The following PARP1 variants were observed in gnomAD, a reference collection of about 807,000 sequenced individuals.
PARP1 encodes poly(ADP-ribose) polymerase 1.
Under a neutral mutation model 118.7 loss-of-function variants are expected in PARP1, and 44 were observed. The ratio of observed to expected loss-of-function variants is 0.37; its 90% CI spans 0.29 to 0.48. PARP1 has a LOEUF of 0.48. PARP1 is among the 20% of genes least tolerant of loss of function. The probability of loss-of-function intolerance (pLI) is 0.99; values close to 1 mark genes in which losing one functional copy is unlikely to be tolerated. For missense variants in PARP1, 1,100 were observed against 1,272.4 expected, an observed-to-expected ratio of 0.86 and a Z score of 2.06; for synonymous variants, 492 against 483.2, an observed-to-expected ratio of 1.02 and a Z score of -0.24.
rs1349043176 is a variant in PARP1, at chr1:226,392,259, T to G, written c.342A>C (p.Ala114=). The G allele has an allele frequency of 6.2e-7, 1 of 1,614,208 alleles. No individual in the cohort carries two copies. The highest frequency in any genetic ancestry group is 1.1e-5 in the South Asian group (1 of 91,090). ...TTCTGTTGGACTTGGCATACTCTGCTGCAAAGTCACCCAGAGTCTTCTCTG... is the reference window on the plus strand; with the variant it reads ...TTCTGTTGGACTTGGCATACTCTGCGGCAAAGTCACCCAGAGTCTTCTCTG... ...SKAEKTLGDF[A]AEYAKSNRST... The change falls in exon 3 of 23, where the codon GCA becomes GCC. Residue 114 remains alanine (A), a synonymous_variant. Coordinates refer to ENST00000366794, the MANE Select transcript of PARP1 (RefSeq NM_001618.4).
chr1:226,363,793 T>C, intron 20 of PARP1, 150 bp downstream of exon 20: 2 of 831,208 alleles, frequency 2.4e-6, no homozygotes, highest in Non-Finnish European at 4.0e-6. Context: ...TTGAATTGGA[T>C]TCTGCTACTT....
At chr1:226,399,632 T>C (rs1170508421) in intron 2 of PARP1, among the ~76,000 whole-genome samples, 1 of 152,208 alleles carries the variant, frequency 6.6e-6, no homozygotes, top group East Asian at 1.9e-4. Context: ...TGACAGAATG[T>C]ACAATGCAAA....
At chr1:226,379,433 C>T (rs2102734984) in intron 11 of PARP1, 140 bp downstream of exon 11, 1 of 1,172,924 alleles carries the variant, frequency 8.5e-7, no homozygotes, top group Non-Finnish European at 1.3e-6. Flanking sequence ...ACTGGGGGAG[C>T]TGGTGAAGGA....
intron 1 of PARP1, among the ~76,000 whole-genome samples, chr1:226,403,270 C>G (rs1372731302): frequency 6.6e-6 from 1 of 152,204 alleles, no homozygotes; most frequent in African/African-American, 2.4e-5. Context: ...CCTCTGTCTC[C>G]TGGGTTCAAG....
chr1:226,399,927 T>C (rs77727916), intron 2 of PARP1, among the ~76,000 whole-genome samples: 2,946 of 152,138 alleles, frequency 0.019, 42 homozygotes, highest in South Asian at 0.033. Flanking sequence ...GTCATGAACC[T>C]GGGAGGCGGA....
In PARP1 at chr1:226,383,109, G is replaced by T. The variant is rs367870123; in HGVS notation, c.1086C>A (p.Ser362Arg). The T allele has an allele frequency of 6.2e-7, 1 of 1,612,856 alleles. No individual in the cohort carries two copies. Among genetic ancestry groups the T allele is most frequent in the Non-Finnish European group, 8.5e-7 (1 of 1,179,686 alleles). Residue 362 changes from serine (S) to arginine (R), a missense_variant, in exon 8 of 23, where the codon AGC becomes AGA. Coordinates refer to ENST00000366794, the MANE Select transcript of PARP1 (RefSeq NM_001618.4). ...GCGGAGGCGTGGCCGCCACGGAGGCGCTGGTTTCTGGGGGGAATATACGGT... is the reference window on the plus strand; with the variant it reads ...GCGGAGGCGTGGCCGCCACGGAGGCTCTGGTTTCTGGGGGGAATATACGGT... Reference protein sequence around the residue: ...KQDRIFPPETSASVAATPPPS... With the variant: ...KQDRIFPPETRASVAATPPPS...
chr1:226,382,933 G>T, intron 8 of PARP1, 103 bp downstream of exon 8: 1 of 1,336,462 alleles, frequency 7.5e-7, no homozygotes. Flanking sequence ...AGCAAAGAGA[G>T]ACCCTTGACG....
chr1:226,395,582 T>C (rs531931853), intron 2 of PARP1, among the ~76,000 whole-genome samples: 84 of 151,450 alleles, frequency 5.5e-4, no homozygotes, highest in African/African-American at 2.0e-3. Context: ...GAGGTGGAGG[T>C]TGCAGTGAGC....
At chr1:226,381,573 T>A (rs956593555) in intron 8 of PARP1, among the ~76,000 whole-genome samples, 3 of 152,214 alleles carry the variant, frequency 2.0e-5, no homozygotes, top group African/African-American at 4.8e-5. Flanking sequence ...TAAGGTCACA[T>A]GAACCCCCAA....
At chr1:226,384,500 A>G (rs1664680539) in intron 7 of PARP1, among the ~76,000 whole-genome samples, 1 of 152,270 alleles carries the variant, frequency 6.6e-6, no homozygotes, top group South Asian at 2.1e-4. Context: ...CAATTGATAT[A>G]TAAAATACAA....
chr1:226,370,349 A>C (rs933687565), intron 15 of PARP1, 85 bp downstream of exon 15: 2 of 968,770 alleles, frequency 2.1e-6, no homozygotes, highest in African/African-American at 1.6e-5. Flanking sequence ...ACCTTGAGTA[A>C]ATGTTACCCC....
At chr1:226,364,650 C>T (rs544096343) in intron 19 of PARP1, among the ~76,000 whole-genome samples, 4 of 152,258 alleles carry the variant, frequency 2.6e-5, no homozygotes, top group Middle Eastern at 3.4e-3. Context: ...ACTCATTCAT[C>T]GCTACGTTTT....
At chr1:226,365,540 G>A (rs1482103396) in intron 18 of PARP1, among the ~76,000 whole-genome samples, 1 of 152,154 alleles carries the variant, frequency 6.6e-6, no homozygotes, top group Non-Finnish European at 1.5e-5. Flanking sequence ...GCCAACGCAG[G>A]CGGATCATCT....
chr1:226,362,150 G>A, intron 21 of PARP1, 67 bp from the exon 22 acceptor site: 2 of 872,672 alleles, frequency 2.3e-6, no homozygotes, highest in Admixed American at 1.8e-5. Flanking sequence ...CCAGGGAGAT[G>A]AGCTCTATTT....
chr1:226,382,253 A>G (rs1664623644), intron 8 of PARP1, among the ~76,000 whole-genome samples: 1 of 152,210 alleles, frequency 6.6e-6, no homozygotes, highest in Non-Finnish European at 1.5e-5. Flanking sequence ...CTGCCAAAAA[A>G]ATACGTTGCT....
chr1:226,369,241 G>A (rs1029629235), intron 15 of PARP1, among the ~76,000 whole-genome samples: 4 of 152,322 alleles, frequency 2.6e-5, no homozygotes, highest in South Asian at 2.1e-4. Context: ...CCGGTTCAGC[G>A]CCTTTTCTCC....
At chr1:226,384,606 C>T (rs1174594429) in intron 7 of PARP1, among the ~76,000 whole-genome samples, 1 of 152,184 alleles carries the variant, frequency 6.6e-6, no homozygotes, top group Non-Finnish European at 1.5e-5. Context: ...GATTTGCATA[C>T]CCAGAAAAAT....
intron 21 of PARP1, among the ~76,000 whole-genome samples, chr1:226,362,852 ATTT>A (rs3046776): frequency 1.6e-3 from 244 of 148,204 alleles, no homozygotes; most frequent in Middle Eastern, 3.4e-3. Flanking sequence ...GAGCTTGCCT[ATTT>A]TTTTTTTTTT....
intron 2 of PARP1, among the ~76,000 whole-genome samples, chr1:226,401,317 G>A (rs1253769962): frequency 6.6e-6 from 1 of 152,222 alleles, no homozygotes; most frequent in Non-Finnish European, 1.5e-5. Flanking sequence ...GCAGTGTTAT[G>A]GCTCTGTGAC....
Sources: allele counts gnomAD v4.1 joint callset (sites outside exome capture counted in the v4.1 genomes callset), GRCh38; gene constraint gnomAD v4.1.1; transcripts MANE v1.5; gene names NCBI Gene and HGNC (gene_info 2026-07-23, HGNC 2026-07-21).